The following TEAD4 variants were observed in gnomAD, a reference collection of about 807,000 sequenced individuals.
TEAD4 encodes TEA domain transcription factor 4, also known as transcriptional enhancer factor TEF-3.
TEAD4 carries 36 observed loss-of-function variants against 52.4 expected under a neutral mutation model. The observed-to-expected ratio is 0.69, with a 90% CI of 0.53 to 0.91. TEAD4 has a LOEUF of 0.91. TEAD4 is among the 40% of genes least tolerant of loss of function. The probability of loss-of-function intolerance (pLI) is 0.00; values close to 1 mark genes in which losing one functional copy is unlikely to be tolerated. For synonymous variants in TEAD4, 220 were observed against 231.0 expected (o/e 0.95, Z 0.43); for missense variants, 508 against 583.9 (o/e 0.87, Z 1.34).
chr12:2,991,945 A>C (rs1206300943), intron 2 of TEAD4, among the ~76,000 whole-genome samples: 2 of 149,954 alleles, frequency 1.3e-5, no homozygotes, highest in Non-Finnish European at 3.0e-5. Flanking sequence ...TCTGGGCCTC[A>C]GTGCCCTTTT....
At chr12:2,993,874 C>T (rs1186361600) in intron 2 of TEAD4, among the ~76,000 whole-genome samples, 11 of 152,262 alleles carry the variant, frequency 7.2e-5, no homozygotes, top group Non-Finnish European at 1.3e-4. Flanking sequence ...CCTAAAGGTC[C>T]GTCTGTGCTG....
intron 5 of TEAD4, among the ~76,000 whole-genome samples, chr12:3,014,233 C>T (rs544074253): frequency 1.3e-3 from 192 of 152,312 alleles, no homozygotes; most frequent in African/African-American, 4.0e-3. Context: ...TCTGACTCAC[C>T]GGGACCCTGC....
intron 2 of TEAD4, among the ~76,000 whole-genome samples, chr12:2,969,945 G>C (rs2098223758): frequency 6.6e-6 from 1 of 152,132 alleles, no homozygotes; most frequent in Non-Finnish European, 1.5e-5. Flanking sequence ...AGTAAAAAGA[G>C]CTGGGTGTGG....
chr12:2,968,163 C>T (rs940705224), intron 2 of TEAD4, among the ~76,000 whole-genome samples: 4 of 146,516 alleles, frequency 2.7e-5, no homozygotes, highest in Non-Finnish European at 4.5e-5. Flanking sequence ...CTCGACTCAC[C>T]GCAGCCTCCA....
At chr12:3,017,242 C>G in intron 5 of TEAD4, 156 bp from the exon 6 acceptor site, 1 of 976,680 alleles carries the variant, frequency 1.0e-6, no homozygotes, top group Non-Finnish European at 1.6e-6. Flanking sequence ...TTCTCAGTTG[C>G]AAAACAAGTT....
intron 2 of TEAD4, among the ~76,000 whole-genome samples, chr12:2,969,579 T>C (rs2098223439): frequency 6.6e-6 from 1 of 152,174 alleles, no homozygotes; most frequent in Non-Finnish European, 1.5e-5. Flanking sequence ...CCTCAGTTTC[T>C]CCACATATCA....
chr12:2,977,286 GTCTC>G (rs539036756), intron 2 of TEAD4, among the ~76,000 whole-genome samples: 5 of 151,922 alleles, frequency 3.3e-5, no homozygotes, highest in South Asian at 2.1e-4. Context: ...TGCCCCAGGC[GTCTC>G]TCTCTCTCTT....
chr12:3,016,730 A>G lies in TEAD4; in HGVS notation c.355-668A>G, dbSNP rs371362514. Among the ~76,000 whole-genome samples, 6 of 152,348 alleles carry G rather than the reference A, an allele frequency of 3.9e-5. No individual in the cohort carries two copies. In the South Asian group the frequency reaches 8.3e-4, roughly 21 times the overall value. On this transcript the variant is annotated intron_variant, in intron 5 of 12. Transcript: ENST00000359864. ...CACTCAGGATGGAAACCACTGGCTT[A>G]TATGAATATAACAAACGATTACTAT... is the stretch of plus-strand genomic sequence containing the variant.
At chr12:3,014,254 G>A (rs924158006) in intron 5 of TEAD4, among the ~76,000 whole-genome samples, 2 of 152,160 alleles carry the variant, frequency 1.3e-5, no homozygotes, top group Admixed American at 6.5e-5. Context: ...AGATGACCAC[G>A]GTGAACAGAC....
intron 10 of TEAD4, among the ~76,000 whole-genome samples, chr12:3,033,081 T>C (rs1253292912): frequency 1.3e-5 from 2 of 152,168 alleles, no homozygotes; most frequent in Non-Finnish European, 2.9e-5. Flanking sequence ...CCTGCCTGGC[T>C]GTTTTCTCAG....
intron 2 of TEAD4, among the ~76,000 whole-genome samples, chr12:2,963,065 G>A (rs899757497): frequency 1.3e-5 from 2 of 152,208 alleles, no homozygotes; most frequent in African/African-American, 2.4e-5. Context: ...TAGCTGTTCT[G>A]GGGAAGGAGC....
intron 2 of TEAD4, among the ~76,000 whole-genome samples, chr12:2,976,057 G>A (rs1191879115): frequency 6.6e-6 from 1 of 151,422 alleles, no homozygotes; most frequent in African/African-American, 2.4e-5. Context: ...CCAGGCTGGA[G>A]TGCAGTGGCA....
chr12:3,021,294 C>T (rs1386164411), intron 9 of TEAD4, among the ~76,000 whole-genome samples: 1 of 143,048 alleles, frequency 7.0e-6, no homozygotes, highest in Non-Finnish European at 1.5e-5. Context: ...CTCACTCTGA[C>T]ATCTTCAAAC....
chr12:3,010,305 A>G (rs1170988002), intron 3 of TEAD4, among the ~76,000 whole-genome samples: 5 of 152,232 alleles, frequency 3.3e-5, no homozygotes, highest in Admixed American at 6.5e-5. Flanking sequence ...ACTGGAAACC[A>G]TGGATGCTCT....
intron 6 of TEAD4, among the ~76,000 whole-genome samples, chr12:3,017,741 C>A (rs2098265648): frequency 6.6e-6 from 1 of 152,228 alleles, no homozygotes; most frequent in Non-Finnish European, 1.5e-5. Flanking sequence ...TCGGCAATGA[C>A]TCCACAGACT....
At chr12:3,039,113 C>T (rs986109968) in intron 11 of TEAD4, among the ~76,000 whole-genome samples, 2 of 152,192 alleles carry the variant, frequency 1.3e-5, no homozygotes, top group South Asian at 2.1e-4. Flanking sequence ...AGGGAGGAGA[C>T]ATTACTCCAC....
At chr12:2,977,321 T>C (rs938404208) in intron 2 of TEAD4, among the ~76,000 whole-genome samples, 3 of 152,142 alleles carry the variant, frequency 2.0e-5, no homozygotes. Flanking sequence ...CCCTTCCTGC[T>C]CTCTCTCCCT....
At chr12:2,975,665 G>C (rs1403970487) in intron 2 of TEAD4, among the ~76,000 whole-genome samples, 1 of 152,116 alleles carries the variant, frequency 6.6e-6, no homozygotes, top group Non-Finnish European at 1.5e-5. Flanking sequence ...TGGGATTACA[G>C]GCATGAGCCA....
At chr12:2,983,656 ATT>A (rs2153954078) in intron 2 of TEAD4, among the ~76,000 whole-genome samples, 1 of 152,290 alleles carries the variant, frequency 6.6e-6, no homozygotes, top group Admixed American at 6.5e-5. Flanking sequence ...CCCCAAAGGG[ATT>A]TATGCACAAT....
Sources: allele counts gnomAD v4.1 joint callset (sites outside exome capture counted in the v4.1 genomes callset), GRCh38; gene constraint gnomAD v4.1.1; transcripts MANE v1.5; gene names NCBI Gene and HGNC (gene_info 2026-07-23, HGNC 2026-07-21).